Variants in AUTS2 observed in about 807,000 individuals in gnomAD.
AUTS2 encodes the protein activator of transcription and developmental regulator AUTS2.
In AUTS2, 17 loss-of-function variants were observed where a neutral mutation model predicts 112.4. That is an observed-to-expected ratio of 0.15 (90% CI 0.10 to 0.23). AUTS2 has a LOEUF of 0.23. Among genes scored for constraint, AUTS2 ranks in the 10% least tolerant of loss-of-function variants. The probability of loss-of-function intolerance (pLI) is 1.00; values close to 1 mark genes in which losing one functional copy is unlikely to be tolerated. For missense variants in AUTS2, 1,510 were observed against 1,701.6 expected (o/e 0.89, Z 1.98); for synonymous variants, 751 against 702.7 (o/e 1.07, Z -1.09).
chr7:70,681,176 C>T (rs1193330351), intron 5 of AUTS2, among the ~76,000 whole-genome samples: 2 of 152,164 alleles, frequency 1.3e-5, no homozygotes, highest in Non-Finnish European at 2.9e-5. Flanking sequence ...ATCTCTCACC[C>T]GAGTGGCGGA....
chr7:69,696,776 T>G (rs576925356), intron 1 of AUTS2, among the ~76,000 whole-genome samples: 1 of 152,242 alleles, frequency 6.6e-6, no homozygotes. Flanking sequence ...TTTTTTCTAG[T>G]GTCTCAGCTG....
chr7:69,693,115 T>C (rs902567250), intron 1 of AUTS2, among the ~76,000 whole-genome samples: 10 of 152,230 alleles, frequency 6.6e-5, no homozygotes, highest in Non-Finnish European at 1.5e-5. Context: ...ACTCTGTCAT[T>C]AATTACCTGT....
intron 4 of AUTS2, among the ~76,000 whole-genome samples, chr7:70,304,981 CTT>C (rs1789426416): frequency 1.3e-5 from 2 of 152,018 alleles, no homozygotes; most frequent in Admixed American, 1.3e-4. Flanking sequence ...GGTGACCACT[CTT>C]AATATTTTGT....
intron 1 of AUTS2, among the ~76,000 whole-genome samples, chr7:69,612,868 T>C (rs551204636): frequency 6.6e-6 from 1 of 152,358 alleles, no homozygotes; most frequent in East Asian, 1.9e-4. Flanking sequence ...ACTGTTTCTT[T>C]CTTCACTCAG....
chr7:70,054,899 T>A (rs1178329716), intron 2 of AUTS2, among the ~76,000 whole-genome samples: 3 of 152,156 alleles, frequency 2.0e-5, no homozygotes, highest in Non-Finnish European at 4.4e-5. Context: ...AATCTCACTA[T>A]TTTGGTCTTC....
intron 1 of AUTS2, among the ~76,000 whole-genome samples, chr7:69,833,054 C>T (rs1791569133): frequency 6.6e-6 from 1 of 152,056 alleles, no homozygotes; most frequent in South Asian, 2.1e-4. Context: ...TATTATTCTT[C>T]GTAGGTATAT....
intron 5 of AUTS2, among the ~76,000 whole-genome samples, chr7:70,648,156 A>G (rs1806277357): frequency 6.6e-6 from 1 of 152,174 alleles, no homozygotes; most frequent in African/African-American, 2.4e-5. Context: ...AAAACACATG[A>G]AGAGTCTAGA....
At chr7:69,709,566 G>A (rs1282292170) in intron 1 of AUTS2, among the ~76,000 whole-genome samples, 3 of 152,166 alleles carry the variant, frequency 2.0e-5, no homozygotes, top group Non-Finnish European at 4.4e-5. Flanking sequence ...ATGATGAAAA[G>A]AGACATTTTA....
chr7:70,655,818 G>C (rs970246777), intron 5 of AUTS2, among the ~76,000 whole-genome samples: 1 of 152,196 alleles, frequency 6.6e-6, no homozygotes, highest in African/African-American at 2.4e-5. Context: ...ACACCCAGCT[G>C]AACCCCCTAG....
chr7:70,549,061 A>G (rs1800913553), intron 5 of AUTS2, among the ~76,000 whole-genome samples: 1 of 151,956 alleles, frequency 6.6e-6, no homozygotes, highest in Non-Finnish European at 1.5e-5. Flanking sequence ...CTCTTCGTTT[A>G]TTTAGATCTT....
chr7:70,569,765 A>C (rs1801860241), intron 5 of AUTS2, among the ~76,000 whole-genome samples: 1 of 151,654 alleles, frequency 6.6e-6, no homozygotes, highest in Middle Eastern at 3.4e-3. Flanking sequence ...TTGGCCGATT[A>C]GTTGGCAAGA....
At position 70,757,995 on chromosome 7, in the gene AUTS2, T is replaced by C. The variant is rs569726627; in HGVS notation, c.743-4875T>C. 1.8e-4 allele frequency among the ~76,000 whole-genome samples: 27 copies of C among 152,130 alleles called. No homozygotes were observed. The East Asian group carries it at 5.0e-3, about 28-fold the overall frequency. ...TGGAGTTTCACCATGTTGGCCAGGC[T>C]GGTGTTGAACTTCTGACCTGAAGTG... On this transcript the variant is annotated intron_variant, in intron 6 of 18. Transcript: ENST00000342771.
chr7:70,645,332 C>T lies in AUTS2; in HGVS notation c.691-53237C>T, dbSNP rs138609090. ...CAGACCCCTCTCTTCCCTCATTCCC[C>T]GCCAAACATTTCTGACCTGGCATCA... On this transcript the variant is annotated intron_variant, in intron 5 of 18. Transcript: ENST00000342771. Among the ~76,000 whole-genome samples, 576 of 151,664 alleles carry T rather than the reference C, an allele frequency of 3.8e-3. 10 individuals are homozygous for T. Among genetic ancestry groups the T allele is most frequent in the African/African-American group, 0.013 (545 of 41,290 alleles).
chr7:70,377,043 T>G (rs1793119951), intron 4 of AUTS2, among the ~76,000 whole-genome samples: 1 of 151,798 alleles, frequency 6.6e-6, no homozygotes, highest in African/African-American at 2.4e-5. Context: ...TGCCTGTTTA[T>G]TTGCTTTTTG....
In AUTS2 at chr7:70,379,814, C is replaced by A. The variant is rs181714385; in HGVS notation, c.661-55938C>A. On this transcript the variant is annotated intron_variant, in intron 4 of 18. Transcript: ENST00000342771. ...TACTTGAAGTGTTCTAAGAACTTCA[C>A]CTTTACCATTGTCTTATGTGGTATT... Among the ~76,000 whole-genome samples the A allele has an allele frequency of 3.9e-4, 60 of 152,190 alleles. 3 individuals carry two copies. The highest frequency in any genetic ancestry group is 1.5e-5 in the Non-Finnish European group (1 of 68,030).
chr7:70,066,040 G>A (rs1802474836), intron 2 of AUTS2, among the ~76,000 whole-genome samples: 1 of 152,144 alleles, frequency 6.6e-6, no homozygotes, highest in South Asian at 2.1e-4. Flanking sequence ...TCAGTTGTGT[G>A]TTAGCAGCGA....
intron 6 of AUTS2, among the ~76,000 whole-genome samples, chr7:70,745,157 T>C (rs1366540788): frequency 6.6e-6 from 1 of 152,216 alleles, no homozygotes; most frequent in Non-Finnish European, 1.5e-5. Context: ...CGATTGTATT[T>C]CACTATCATT....
chr7:70,246,066 T>C (rs1445834732), intron 4 of AUTS2, among the ~76,000 whole-genome samples: 2 of 152,172 alleles, frequency 1.3e-5, no homozygotes, highest in South Asian at 4.1e-4. Context: ...CTTTTTCTTA[T>C]TCAGTTATAA....
chr7:70,733,909 A>T (rs1175567485), intron 6 of AUTS2, among the ~76,000 whole-genome samples: 1 of 151,962 alleles, frequency 6.6e-6, no homozygotes, highest in East Asian at 1.9e-4. Context: ...TTATCACATA[A>T]ATCCAGGCTA....
Sources: allele counts gnomAD v4.1 joint callset (sites outside exome capture counted in the v4.1 genomes callset), GRCh38; gene constraint gnomAD v4.1.1; transcripts MANE v1.5; gene names NCBI Gene and HGNC (gene_info 2026-07-23, HGNC 2026-07-21).